GAS7: variants seen among roughly 807,000 people sequenced by gnomAD.
The protein encoded by GAS7 is growth arrest specific 7.
GAS7 carries 28 observed loss-of-function variants against 71.1 expected under a neutral mutation model. The ratio of observed to expected loss-of-function variants is 0.39; its 90% confidence interval spans 0.29 to 0.54. GAS7 has a LOEUF of 0.54. Among genes scored for constraint, GAS7 ranks in the 20% least tolerant of loss-of-function variants. The pLI is 0.62. For synonymous variants in GAS7, 258 were observed against 245.8 expected (o/e 1.05, Z -0.46); for missense variants, 436 against 627.8 (o/e 0.69, Z 3.27).
Position 9,919,858 on chromosome 17 carries a change from A to C in GAS7, c.1139-153T>G, listed in dbSNP as rs1454189972. 6.6e-6 allele frequency among the ~76,000 whole-genome samples: 1 copy of C among 152,182 alleles called. No homozygotes were observed. The highest frequency in any genetic ancestry group is 1.5e-5 in the Non-Finnish European group (1 of 68,026). ...AAGGGATGGCAGTAGGAAGAAGAAG[A>C]AAGCAGAGCCAGGGAAGGAAGGGGG... is the stretch of plus-strand genomic sequence containing the variant. On this transcript the variant is annotated intron_variant, in intron 11 of 13. Transcript: ENST00000432992. This position sits in a 1 kb window ranked among gnomAD's most constrained non-coding sequence, Gnocchi z 5.0.
chr17:10,000,038 A>C (rs1054355470), intron 2 of GAS7, among the ~76,000 whole-genome samples: 2 of 148,292 alleles, frequency 1.3e-5, no homozygotes, highest in Non-Finnish European at 2.9e-5. Flanking sequence ...GGACTGGTTA[A>C]AACAGATTGC....
chr17:10,080,813 G>A (rs949687398), intron 1 of GAS7, among the ~76,000 whole-genome samples: 1 of 152,204 alleles, frequency 6.6e-6, no homozygotes, highest in Admixed American at 6.5e-5. Flanking sequence ...GAAGAATGAG[G>A]ACTTATTCCA....
At chr17:10,088,144 C>G (rs947053005) in intron 1 of GAS7, among the ~76,000 whole-genome samples, 1 of 151,342 alleles carries the variant, frequency 6.6e-6, no homozygotes, top group Admixed American at 6.6e-5. Flanking sequence ...TCAGTTGAAC[C>G]CAGGAGGCGG....
chr17:9,950,093 A>AC lies in GAS7; in HGVS notation c.526-3111dup, dbSNP rs1466993337. Among the ~76,000 whole-genome samples, 3 of 151,662 alleles carry AC rather than the reference A, an allele frequency of 2.0e-5. No individual in the cohort carries two copies. In the East Asian group the frequency reaches 5.9e-4, roughly 30 times the overall value. ...TGGCCAGGCTGGTCTCAAACTCCTG[A>AC]CCCCAAGTGATCCACCCTCCTCGGC... On this transcript the variant is annotated intron_variant, in intron 5 of 13. Coordinates refer to ENST00000432992, the MANE Select transcript of GAS7 (RefSeq NM_201433.2).
intron 1 of GAS7, among the ~76,000 whole-genome samples, chr17:10,129,897 G>A (rs116875733): frequency 0.11 from 16,724 of 152,232 alleles, 1,237 homozygotes; most frequent in Middle Eastern, 0.2. Context: ...CATGAGGCAG[G>A]GCATGGTGGC....
At position 9,981,658 on chromosome 17, in the gene GAS7, C is replaced by G; in HGVS notation, c.385+146G>C. The G allele has an allele frequency of 1.6e-6, 1 of 642,130 alleles. No individual in the cohort carries two copies. 39.8% of individuals were successfully genotyped at this position (642,130 alleles called of 1,614,324 possible). On this transcript the variant is annotated intron_variant, in intron 3 of 13. Transcript: ENST00000432992. This position sits in a 1 kb window ranked among gnomAD's most constrained non-coding sequence, Gnocchi z 4.4. ...AGACACCAACCTGCTTGGCAGCAGGCCTAAGGGACCCTCTCCCAGGCCCAA... is the reference window on the plus strand; with the variant it reads ...AGACACCAACCTGCTTGGCAGCAGGGCTAAGGGACCCTCTCCCAGGCCCAA...
chr17:9,917,514 C>T (rs16958993), intron 13 of GAS7, among the ~76,000 whole-genome samples, 173 bp from the exon 14 acceptor site: 2 of 152,084 alleles, frequency 1.3e-5, no homozygotes, highest in Non-Finnish European at 2.9e-5. Flanking sequence ...GGGCTGTGAA[C>T]GGGGAACCCA....
chr17:9,979,826 CA>C (rs2070343835), intron 3 of GAS7, among the ~76,000 whole-genome samples: 1 of 151,362 alleles, frequency 6.6e-6, no homozygotes, highest in African/African-American at 2.4e-5. Context: ...AAAAAGGACA[CA>C]CCTTGCGTCA....
chr17:9,925,848 G>GT (rs1318909410), intron 10 of GAS7, among the ~76,000 whole-genome samples: 2 of 152,024 alleles, frequency 1.3e-5, no homozygotes, highest in Non-Finnish European at 2.9e-5. Context: ...CTCAAACCAC[G>GT]TTTTTTTCCC....
chr17:9,918,093 C>A lies in GAS7; in HGVS notation c.1225G>T (p.Glu409Ter). ...TCTACCCTCTCCACCTCCAGCCGCT[C>A]TAGCTCCTGCCGAGAAAGCAAAGGC... ...EEMVTTTLEL[E>*]RLEVERVEMI... The change falls in exon 13 of 14, where the codon GAG (glutamate) becomes TAG (stop). Residue 409 changes from glutamate to a stop codon, truncating the protein, a stop_gained. Transcript: ENST00000432992. LOFTEE classifies it high-confidence loss of function. 6.2e-7 allele frequency: 1 copy of A among 1,612,952 alleles called. No homozygotes were observed. Among genetic ancestry groups the A allele is most frequent in the South Asian group, 1.1e-5 (1 of 91,066 alleles).
chr17:10,111,489 T>G (rs976754539), intron 1 of GAS7, among the ~76,000 whole-genome samples: 1 of 151,408 alleles, frequency 6.6e-6, no homozygotes, highest in African/African-American at 2.4e-5. Context: ...GCCAAGACTG[T>G]GCCACTGCAC....
intron 1 of GAS7, among the ~76,000 whole-genome samples, chr17:10,048,453 G>C (rs1288500017): frequency 6.6e-6 from 1 of 152,162 alleles, no homozygotes; most frequent in Non-Finnish European, 1.5e-5. Context: ...TAGAATAAAA[G>C]CTCCATACAG....
rs1246817827 is a variant in GAS7 at position 10,034,669 on chromosome 17, GA to G, written c.184-14773del. ...TTAAGGACATGCCATTTTAATAGGA[GA>G]AAAAAAGTCACATTCAAGTGTAGAC... On this transcript the variant is annotated intron_variant, in intron 1 of 13. Coordinates refer to ENST00000432992, the MANE Select transcript of GAS7 (RefSeq NM_201433.2). The surrounding 1 kb of genome is among the most constrained non-coding windows in gnomAD (Gnocchi z 4.4). Among the ~76,000 whole-genome samples, 1 of 151,998 alleles carries G rather than the reference GA, an allele frequency of 6.6e-6. No individual in the cohort carries two copies. Among genetic ancestry groups the G allele is most frequent in the Admixed American group, 6.6e-5 (1 of 15,248 alleles).
chr17:10,025,061 A>T, intron 1 of GAS7, among the ~76,000 whole-genome samples: 1 of 152,158 alleles, frequency 6.6e-6, no homozygotes, highest in South Asian at 2.1e-4. Flanking sequence ...CAGAGAGTTT[A>T]ATAACTTGCC....
intron 2 of GAS7, among the ~76,000 whole-genome samples, chr17:10,014,423 C>T (rs976722856): frequency 1.3e-5 from 2 of 152,190 alleles, no homozygotes; most frequent in Admixed American, 6.5e-5. Flanking sequence ...GTCACGCCAC[C>T]GCCTGGAAAT....
chr17:10,078,077 G>GTGTTTTGTTT (rs201341780), intron 1 of GAS7, among the ~76,000 whole-genome samples: 21 of 149,850 alleles, frequency 1.4e-4, no homozygotes, highest in African/African-American at 2.0e-4. Flanking sequence ...GTGTGTGTGT[G>GTGTTTTGTTT]TGTTTTGTTT....
At chr17:10,093,687 G>A (rs746000622) in intron 1 of GAS7, among the ~76,000 whole-genome samples, 2 of 151,958 alleles carry the variant, frequency 1.3e-5, no homozygotes, top group African/African-American at 4.8e-5. Context: ...GTTGTTATGC[G>A]GGGAAAAAAT....
At chr17:9,947,894 A>G (rs1204813151) in intron 5 of GAS7, among the ~76,000 whole-genome samples, 3 of 151,396 alleles carry the variant, frequency 2.0e-5, no homozygotes, top group Non-Finnish European at 2.9e-5. Context: ...AGACAAGACC[A>G]GCCCCTCCTC....
At chr17:9,986,825 G>A (rs16959192) in intron 2 of GAS7, among the ~76,000 whole-genome samples, 13,662 of 152,214 alleles carry the variant, frequency 0.09, 668 homozygotes, top group African/African-American at 0.12. Flanking sequence ...TTGTCTTGGC[G>A]AGATCTGACC....
Sources: allele counts gnomAD v4.1 joint callset (sites outside exome capture counted in the v4.1 genomes callset), GRCh38; gene constraint gnomAD v4.1.1; non-coding constraint Gnocchi (gnomAD v3.1); transcripts MANE v1.5; gene names NCBI Gene and HGNC (gene_info 2026-07-23, HGNC 2026-07-21).